KIAA0586: variants seen among roughly 807,000 people sequenced by gnomAD.
KIAA0586 encodes the protein KIAA0586.
Under a neutral mutation model 169.8 loss-of-function variants are expected in KIAA0586, and 144 were observed. That is an observed-to-expected ratio of 0.85 (90% confidence interval 0.74 to 0.97). The LOEUF (loss-of-function observed/expected upper bound fraction) is 0.97, where lower values mean the gene tolerates loss of function less well. KIAA0586 is among the 50% of genes least tolerant of loss of function. KIAA0586 has a pLI of 0.00. For missense variants in KIAA0586, 1,854 were observed against 1,823.0 expected, an observed-to-expected ratio of 1.02 and a Z score of -0.31; for synonymous variants, 625 against 612.4, an observed-to-expected ratio of 1.02 and a Z score of -0.30.
At chr14:58,554,087 T>C (rs1595574472), downstream of KIAA0586, among the ~76,000 whole-genome samples, 2 of 152,144 alleles carry the variant, frequency 1.3e-5, no homozygotes, top group Admixed American at 1.3e-4. Context: ...CTAGCCCAAG[T>C]CCATTTATGT....
intron 21 of KIAA0586, 119 bp from the exon 22 acceptor site, chr14:58,486,888 G>A (rs1421009479): frequency 1.4e-6 from 1 of 691,334 alleles, no homozygotes; most frequent in Non-Finnish European, 2.2e-6. Flanking sequence ...AAGAGGTAGG[G>A]TACTTAACCC....
At position 58,530,424 on chromosome 14, in the gene KIAA0586, C is replaced by T. The variant is rs557095799; in HGVS notation, c.4430-9647C>T. 8.6e-4 allele frequency among the ~76,000 whole-genome samples: 131 copies of T among 152,278 alleles called. 2 individuals are homozygous for T. The highest frequency in any genetic ancestry group is 6.8e-3 in the Middle Eastern group (2 of 294). ...AAAGAACAAAGCTGGAGGCATCACG[C>T]TACCTGACTTCAAACTATATTACAA... is the stretch of plus-strand genomic sequence containing the variant. On this transcript the variant is annotated intron_variant, in intron 29 of 30. Transcript: ENST00000652326.
At chr14:58,431,970 G>A (rs146034505) in intron 3 of KIAA0586, among the ~76,000 whole-genome samples, 2 of 152,256 alleles carry the variant, frequency 1.3e-5, no homozygotes, top group East Asian at 3.9e-4. Flanking sequence ...GGGGCATTTT[G>A]TAGGAATCTT....
intron 22 of KIAA0586, 80 bp from the exon 23 acceptor site, chr14:58,487,807 T>C: frequency 1.2e-6 from 1 of 811,796 alleles, no homozygotes; most frequent in South Asian, 1.7e-5. Flanking sequence ...AAGGGATATC[T>C]GAAGCAATGT....
intron 20 of KIAA0586, among the ~76,000 whole-genome samples, chr14:58,479,115 G>A (rs2041858622): frequency 6.6e-6 from 1 of 152,160 alleles, no homozygotes; most frequent in Non-Finnish European, 1.5e-5. Flanking sequence ...TTCCAAAAGT[G>A]GGTGTACTAT....
intron 26 of KIAA0586, 55 bp from the exon 27 acceptor site, chr14:58,498,728 T>C: frequency 3.4e-6 from 5 of 1,475,236 alleles, no homozygotes; most frequent in Non-Finnish European, 4.6e-6. Context: ...AAAGATTTCC[T>C]GTTTTGACTT....
intron 29 of KIAA0586, chr14:58,521,875 A>G (rs2045254299): frequency 8.5e-7 from 1 of 1,177,838 alleles, no homozygotes; most frequent in South Asian, 1.2e-5. Context: ...GACCTACTAG[A>G]TGATGATGAC....
chr14:58,521,753 A>G (rs2045245985), intron 29 of KIAA0586: 5 of 809,484 alleles, frequency 6.2e-6, no homozygotes, highest in East Asian at 2.5e-5. Flanking sequence ...AACAAGCAGT[A>G]GAGATGAAGG....
At chr14:58,437,465 C>T (rs951293289) in intron 4 of KIAA0586, among the ~76,000 whole-genome samples, 1 of 151,954 alleles carries the variant, frequency 6.6e-6, no homozygotes, top group African/African-American at 2.4e-5. Context: ...AATCTCAGCA[C>T]TTTGGGAGGT....
chr14:58,503,529 A>C (rs1351275878), intron 27 of KIAA0586, among the ~76,000 whole-genome samples: 2 of 152,216 alleles, frequency 1.3e-5, no homozygotes, highest in Non-Finnish European at 2.9e-5. Flanking sequence ...AGGTGCTAGG[A>C]ATATGAAACT....
At position 58,428,435 on chromosome 14, in the gene KIAA0586, G is replaced by A. The variant is rs372659413; in HGVS notation, c.171G>A (p.Thr57=). 7 of 1,613,674 alleles carry A rather than the reference G, an allele frequency of 4.3e-6. No homozygotes were observed. The highest frequency in any genetic ancestry group is 1.6e-4 in the Middle Eastern group (1 of 6,062). The change falls in exon 1 of 31, where the codon ACG becomes ACA. Residue 57 remains threonine, a synonymous_variant. Coordinates refer to ENST00000652326, the MANE Select transcript of KIAA0586 (RefSeq NM_001329943.3). ...LSANKRLPVG[T]GTSLNGTSRG... is the part of the protein sequence containing the mutation. Reference sequence around the variant, plus strand: ...CAAATAAACGTCTTCCTGTTGGAACGGGGACTAGTTTGAATGGAACATCAC... The same window carrying A: ...CAAATAAACGTCTTCCTGTTGGAACAGGGACTAGTTTGAATGGAACATCAC...
chr14:58,450,454 A>G (rs1490701293), intron 7 of KIAA0586, 125 bp from the exon 8 acceptor site: 5 of 611,576 alleles, frequency 8.2e-6, no homozygotes, highest in Non-Finnish European at 1.4e-5. Context: ...ATTTCTCTAC[A>G]CTTAATAATT....
intron 29 of KIAA0586, 127 bp downstream of exon 29, chr14:58,512,754 TCA>T: frequency 1.8e-6 from 1 of 570,106 alleles, no homozygotes; most frequent in Non-Finnish European, 3.0e-6. Context: ...TTGTTTTCTC[TCA>T]TTTAGTCCAT....
At chr14:58,450,247 T>C (rs56959273) in intron 7 of KIAA0586, among the ~76,000 whole-genome samples, 6,251 of 152,266 alleles carry the variant, frequency 0.041, 405 homozygotes, top group African/African-American at 0.14. Flanking sequence ...TAGGTTAAAG[T>C]ATATAAAACT....
chr14:58,492,152 TCC>T lies in KIAA0586; in HGVS notation c.3868_3869del (p.Pro1290SerfsTer2). 6.6e-7 allele frequency: 1 copy of T among 1,526,248 alleles called. No individual in the cohort carries two copies. The highest frequency in any genetic ancestry group is 2.2e-5 in the Admixed American group (1 of 44,686). The allele number at this position is 1,526,248 out of a possible 1,614,324, so 94.5% of individuals were successfully genotyped here. ...LHDAVEMEDD[P>X]PSEGQVIRMS... ...CTTTATGTTTCTTTTAGGAGGATGA[TCC>T]TCCTAGTGAAGGGCAAGTGATTAGG... is the stretch of plus-strand genomic sequence containing the variant. On this transcript the variant is annotated frameshift_variant, in exon 26 of 31. Transcript: ENST00000652326. LOFTEE classifies it high-confidence loss of function.
chr14:58,553,449 A>G (rs779589530), downstream of KIAA0586, among the ~76,000 whole-genome samples: 17 of 152,212 alleles, frequency 1.1e-4, no homozygotes, highest in Middle Eastern at 3.2e-3. Context: ...AAGTAGAGTC[A>G]TAGAAAAGGA....
chr14:58,477,030 A>C, intron 19 of KIAA0586, 93 bp from the exon 20 acceptor site: 1 of 629,382 alleles, frequency 1.6e-6, no homozygotes, highest in Admixed American at 2.6e-5. Flanking sequence ...TGGCATTGGT[A>C]AAGGTTATTT....
chr14:58,427,400 A>C (rs1050495895), upstream of KIAA0586: 35 of 525,852 alleles, frequency 6.7e-5, no homozygotes, highest in Admixed American at 1.3e-4. Context: ...ACCTAATCCC[A>C]CGTCCCTAAC....
intron 26 of KIAA0586, 85 bp from the exon 27 acceptor site, chr14:58,498,697 GT>G: frequency 8.8e-7 from 1 of 1,142,502 alleles, no homozygotes; most frequent in Non-Finnish European, 1.2e-6. Flanking sequence ...GAGTCAAAGG[GT>G]ATTGTTCATG....
Sources: allele counts gnomAD v4.1 joint callset (sites outside exome capture counted in the v4.1 genomes callset), GRCh38; gene constraint gnomAD v4.1.1; transcripts MANE v1.5; gene names NCBI Gene and HGNC (gene_info 2026-07-23, HGNC 2026-07-21).